Variants in ZSCAN5A observed in about 807,000 individuals in gnomAD.
The protein encoded by ZSCAN5A is zinc finger and SCAN domain containing 5A, also known as zinc finger and SCAN domain-containing protein 5A.
ZSCAN5A carries 12 observed loss-of-function variants against 23.7 expected under a neutral mutation model. The ratio of observed to expected loss-of-function variants is 0.51; its 90% CI spans 0.32 to 0.82. The LOEUF (loss-of-function observed/expected upper bound fraction) is 0.82, where lower values mean the gene tolerates loss of function less well. Ranked by LOEUF, ZSCAN5A falls within the 40% of genes least tolerant of loss-of-function variation. The pLI, the probability that ZSCAN5A is intolerant of heterozygous loss-of-function variation, is 0.03. For synonymous variants in ZSCAN5A, 257 were observed against 239.9 expected (o/e 1.07, Z -0.66); for missense variants, 597 against 617.9 (o/e 0.97, Z 0.36).
chr19:56,229,650 C>T (rs901989575), intron 2 of ZSCAN5A, among the ~76,000 whole-genome samples: 9 of 152,114 alleles, frequency 5.9e-5, no homozygotes, highest in Non-Finnish European at 1.2e-4. Flanking sequence ...GTGAAGCTGC[C>T]GTTGGTATTT....
At chr19:56,321,462 T>A in intron 2 of ZSCAN5A, 1 of 686,540 alleles carries the variant, frequency 1.5e-6, no homozygotes, top group Non-Finnish European at 2.7e-6. Context: ...CACACTTGGC[T>A]TTCATGTCAA....
intron 2 of ZSCAN5A, chr19:56,245,374 C>A (rs1225843769): frequency 2.7e-6 from 2 of 751,824 alleles, no homozygotes; most frequent in Non-Finnish European, 2.5e-6. Flanking sequence ...AAGGCCAGGC[C>A]AGCCAAGAGC....
chr19:56,244,075 G>A (rs568604712), intron 2 of ZSCAN5A: 144 of 1,227,648 alleles, frequency 1.2e-4, no homozygotes, highest in Middle Eastern at 1.9e-4. Context: ...CATGGGGTCA[G>A]GGAGGACCCT....
rs984048952 is a variant in ZSCAN5A, at chr19:56,237,996, C to G, written c.-127-12823G>C. Among the ~76,000 whole-genome samples, 5 of 670 alleles carry G rather than the reference C, an allele frequency of 7.5e-3. No individual in the cohort carries two copies. In the East Asian group the frequency reaches 0.11, roughly 15 times the overall value. 0.4% of individuals were successfully genotyped at this position (670 alleles called of 152,430 possible). A position where few individuals can be genotyped will look rare whatever the true frequency, so the allele number is the denominator to read the frequency against. On this transcript the variant is annotated intron_variant, in intron 2 of 5. Coordinates refer to ENST00000683990, the MANE Select transcript of ZSCAN5A (RefSeq NM_001322064.3). Reference sequence around the variant, plus strand: ...ACGGACACACACACATACACACATACGCACACATACACACACACGTCAAAG... The same window carrying G: ...ACGGACACACACACATACACACATAGGCACACATACACACACACGTCAAAG...
chr19:56,358,400 C>T lies in ZSCAN5A; in HGVS notation c.-358+4835G>A, dbSNP rs568780638. On this transcript the variant is annotated intron_variant, in intron 2 of 6. Transcript: ENST00000587340. ...CCTCCCAAAGCGCTGGGATTACAGG[C>T]GTGAGCCTCCACGCCCAGCCCATAA... Among the ~76,000 whole-genome samples, 8 of 149,206 alleles carry T rather than the reference C, an allele frequency of 5.4e-5. 1 individual carries two copies. The South Asian group carries it at 1.5e-3, about 28-fold the overall frequency.
intron 2 of ZSCAN5A, chr19:56,321,577 A>G: frequency 2.6e-6 from 2 of 776,446 alleles, no homozygotes; most frequent in Non-Finnish European, 4.8e-6. Flanking sequence ...CCTCCCTGTC[A>G]TTGACTGTGG....
At chr19:56,274,926 C>G (rs1170372397) in intron 2 of ZSCAN5A, 3 of 152,180 alleles carry the variant, frequency 2.0e-5, no homozygotes, top group Non-Finnish European at 2.9e-5. Flanking sequence ...ATTTGAAGAG[C>G]TCTGATCAGT....
chr19:56,243,674 G>GA (rs74540456), intron 2 of ZSCAN5A, among the ~76,000 whole-genome samples: 144 of 150,736 alleles, frequency 9.6e-4, no homozygotes, highest in Non-Finnish European at 1.4e-3. Context: ...TGTTCCAATT[G>GA]AAAAAAAAAC....
intron 2 of ZSCAN5A, among the ~76,000 whole-genome samples, chr19:56,355,535 G>A (rs559571930): frequency 6.7e-6 from 1 of 148,684 alleles, no homozygotes; most frequent in East Asian, 1.9e-4. Flanking sequence ...GAAAATACTG[G>A]AAAAACTAAA....
chr19:56,258,615 C>T (rs1038990266), intron 2 of ZSCAN5A, among the ~76,000 whole-genome samples: 6 of 149,796 alleles, frequency 4.0e-5, no homozygotes, highest in South Asian at 4.3e-4. Flanking sequence ...GGGGGGTGAC[C>T]GACACGCCTT....
intron 2 of ZSCAN5A, among the ~76,000 whole-genome samples, chr19:56,290,484 AG>A (rs1476676282): frequency 6.6e-6 from 1 of 152,164 alleles, no homozygotes; most frequent in Non-Finnish European, 1.5e-5. Flanking sequence ...GTTTAAAATT[AG>A]GGCCTAGGAC....
chr19:56,345,306 T>A (rs1414761378), intron 2 of ZSCAN5A, among the ~76,000 whole-genome samples: 2 of 152,242 alleles, frequency 1.3e-5, no homozygotes, highest in African/African-American at 4.8e-5. Flanking sequence ...AGCTCTTTTA[T>A]ATATTTTCAT....
intron 2 of ZSCAN5A, among the ~76,000 whole-genome samples, chr19:56,248,288 C>A (rs570574619): frequency 6.6e-6 from 1 of 151,168 alleles, no homozygotes; most frequent in African/African-American, 2.4e-5. Context: ...TGAGATGGGG[C>A]CTCACTCTTT....
chr19:56,301,632 C>G (rs1231654615), intron 2 of ZSCAN5A, among the ~76,000 whole-genome samples: 2 of 152,110 alleles, frequency 1.3e-5, no homozygotes, highest in Non-Finnish European at 1.5e-5. Context: ...TAGGGCTCAG[C>G]CTCATTTTAC....
At chr19:56,281,329 C>T (rs1322001286) in intron 2 of ZSCAN5A, among the ~76,000 whole-genome samples, 1 of 149,396 alleles carries the variant, frequency 6.7e-6, no homozygotes, top group Non-Finnish European at 1.5e-5. Context: ...GTAGTTCAAA[C>T]CTGTATTGTT....
intron 2 of ZSCAN5A, chr19:56,299,792 A>C (rs1402289027): frequency 6.6e-6 from 1 of 152,186 alleles, no homozygotes; most frequent in Non-Finnish European, 1.5e-5. Context: ...TTGGGATTTT[A>C]AAAAGTATTT....
chr19:56,238,445 C>G (rs769386179), intron 2 of ZSCAN5A, among the ~76,000 whole-genome samples: 4 of 152,126 alleles, frequency 2.6e-5, no homozygotes, highest in Non-Finnish European at 4.4e-5. Context: ...CTGGGCAACA[C>G]AGTGATACCC....
intron 2 of ZSCAN5A, among the ~76,000 whole-genome samples, chr19:56,302,398 T>C (rs2040311345): frequency 1.4e-5 from 2 of 138,200 alleles, no homozygotes; most frequent in African/African-American, 5.3e-5. Flanking sequence ...TCCCTCCCTA[T>C]TCTTTCCTCC....
Position 56,327,437 on chromosome 19 carries a change from A to AAT in ZSCAN5A, c.-357-11171_-357-11170dup, listed in dbSNP as rs760962969. Among the ~76,000 whole-genome samples the AAT allele has an allele frequency of 7.3e-5, 11 of 150,818 alleles. 1 individual carries two copies. The South Asian group carries it at 1.2e-3, about 17-fold the overall frequency. On this transcript the variant is annotated intron_variant, in intron 2 of 6. Transcript: ENST00000587340. ...GCCAACTGCAATGATTTTAATTATAAATATATATATTTATTAATAATACAT... is the reference window on the plus strand; with the variant it reads ...GCCAACTGCAATGATTTTAATTATAAATATATATATATTTATTAATAATACAT...
Sources: allele counts gnomAD v4.1 joint callset (sites outside exome capture counted in the v4.1 genomes callset), GRCh38; gene constraint gnomAD v4.1.1; transcripts MANE v1.5; gene names NCBI Gene and HGNC (gene_info 2026-07-23, HGNC 2026-07-21).